Variants in SEMA6C observed in about 807,000 individuals in gnomAD.
SEMA6C encodes semaphorin-6C.
In SEMA6C, 37 loss-of-function variants were observed where a neutral mutation model predicts 72.9. The ratio of observed to expected loss-of-function variants is 0.51; its 90% confidence interval spans 0.39 to 0.67. The LOEUF (loss-of-function observed/expected upper bound fraction) is 0.67. SEMA6C is among the 30% of genes least tolerant of loss of function. The probability of loss-of-function intolerance (pLI) is 0.00; values close to 1 mark genes in which losing one functional copy is unlikely to be tolerated. For missense variants in SEMA6C, 1,189 were observed against 1,263.6 expected (o/e 0.94, Z 0.89); for synonymous variants, 578 against 554.1 (o/e 1.04, Z -0.61).
intron 2 of SEMA6C, among the ~76,000 whole-genome samples, chr1:151,143,908 G>C (rs1390875395): frequency 1.3e-5 from 2 of 152,040 alleles, no homozygotes; most frequent in African/African-American, 4.8e-5. Flanking sequence ...TAAGCTTCCA[G>C]GCCAAGCCCC....
chr1:151,133,816 G>C lies in SEMA6C; in HGVS notation c.1760-299C>G. The C allele has an allele frequency of 1.1e-6, 1 of 881,208 alleles. No individual in the cohort carries two copies. Among genetic ancestry groups the C allele is most frequent in the Non-Finnish European group, 1.7e-6 (1 of 576,984 alleles). 54.6% of individuals were successfully genotyped at this position (881,208 alleles called of 1,614,324 possible). A position where few individuals can be genotyped will look rare whatever the true frequency, so the allele number is the denominator to read the frequency against. ...AAAAACTGCTCGTGCAGGAGAACTCGGGGCTGGGATGCCCAATTCTGGGGA... is the reference window on the plus strand; with the variant it reads ...AAAAACTGCTCGTGCAGGAGAACTCCGGGCTGGGATGCCCAATTCTGGGGA... On this transcript the variant is annotated intron_variant, in intron 18 of 18. Transcript: ENST00000368914. The surrounding 1 kb of genome is among the most constrained non-coding windows in gnomAD (Gnocchi z 5.9).
intron 2 of SEMA6C, among the ~76,000 whole-genome samples, chr1:151,143,165 C>T (rs1176883095): frequency 6.6e-6 from 1 of 152,234 alleles, no homozygotes. Flanking sequence ...TAGGCGGGGG[C>T]AGCCGTGTGG....
chr1:151,138,174 C>T (rs1030600503), intron 8 of SEMA6C, 69 bp from the exon 9 acceptor site: 15 of 1,595,684 alleles, frequency 9.4e-6, no homozygotes, highest in South Asian at 8.0e-5. Flanking sequence ...TCTTGGGCCT[C>T]CTGCACCCCT....
chr1:151,134,631 C>A lies in SEMA6C; in HGVS notation c.1703G>T (p.Gly568Val), dbSNP rs898531187. ...CCTCTTCTGTTTACCTTGGCAGTCA[C>A]CATGCTCCATGGATTCCTGGTTCCC... ...QAGNQESMEH[G>V]DCQDGATGSQ... Residue 568 changes from glycine to valine, a missense_variant, in exon 17 of 19, where the codon GGT becomes GTT. Physicochemically the swap from Gly to Val is moderately radical, Grantham distance 109. This residue lies in a region of SEMA6C where 721 missense variants were observed against 686.2 expected (regional missense o/e 1.05). Transcript: ENST00000368914. The A allele has an allele frequency of 6.2e-7, 1 of 1,614,198 alleles. No individual in the cohort carries two copies. The highest frequency in any genetic ancestry group is 1.3e-5 in the African/African-American group (1 of 75,046).
In SEMA6C at chr1:151,133,764, C is replaced by G. The variant is rs1398799911; in HGVS notation, c.1760-247G>C. Among the ~76,000 whole-genome samples, 1 of 152,112 alleles carries G rather than the reference C, an allele frequency of 6.6e-6. No individual in the cohort carries two copies. The highest frequency in any genetic ancestry group is 2.4e-5 in the African/African-American group (1 of 41,422). On this transcript the variant is annotated intron_variant, in intron 18 of 18. Transcript: ENST00000368914. This position sits in a 1 kb window ranked among gnomAD's most constrained non-coding sequence, Gnocchi z 5.9. Reference sequence around the variant, plus strand: ...GGGATTCCCCATCCCACTTCTGGCCCCTGTAGCCATGCCAAGAGCAACTGC... The same window carrying G: ...GGGATTCCCCATCCCACTTCTGGCCGCTGTAGCCATGCCAAGAGCAACTGC...
In SEMA6C at chr1:151,138,301, T is replaced by G. The variant is rs1322103616; in HGVS notation, c.547+15A>C. On this transcript the variant is annotated intron_variant, in intron 8 of 18. Transcript: ENST00000368914. ...TCCAGCCACATGCTTTCTTCTCACA[T>G]GCCCAGTTGCACACCTGCAAAGATG... 6.2e-7 allele frequency: 1 copy of G among 1,612,982 alleles called. No individual in the cohort carries two copies. The highest frequency in any genetic ancestry group is 8.5e-7 in the Non-Finnish European group (1 of 1,179,408).
chr1:151,139,092 CAAA>C (rs887064091), intron 6 of SEMA6C, among the ~76,000 whole-genome samples: 2 of 53,096 alleles, frequency 3.8e-5, no homozygotes, highest in Non-Finnish European at 7.7e-5. Flanking sequence ...GACTCCGTCT[CAAA>C]AAAAAAAAAA....
Position 151,132,163 on chromosome 1 carries a change from G to A in SEMA6C, c.*321C>T, listed in dbSNP as rs1044662139. The A allele has an allele frequency of 2.1e-6, 3 of 1,399,358 alleles. No homozygotes were observed. The highest frequency in any genetic ancestry group is 1.4e-5 in the African/African-American group (1 of 69,748). The allele number at this position is 1,399,358 out of a possible 1,614,324, so 86.7% of individuals were successfully genotyped here. A position where few individuals can be genotyped will look rare whatever the true frequency, so the allele number is the denominator to read the frequency against. On this transcript the variant is annotated 3_prime_UTR_variant, in exon 19 of 19. Coordinates refer to ENST00000368914, the MANE Select transcript of SEMA6C (RefSeq NM_030913.6). ...GGACACAGCGCGCGCGGCCCGCCCG[G>A]GGCACAGTCTCTGGGGGAGCCCCGA...
chr1:151,136,392 T>G, intron 12 of SEMA6C, 56 bp downstream of exon 12: 1 of 1,592,286 alleles, frequency 6.3e-7, no homozygotes, highest in Non-Finnish European at 8.5e-7. Context: ...CAATCCCATC[T>G]TGGGGGCAGA....
chr1:151,136,052 T>A lies in SEMA6C; in HGVS notation c.1218A>T (p.Val406=), dbSNP rs924809308. 9 of 1,613,894 alleles carry A rather than the reference T, an allele frequency of 5.6e-6. No homozygotes were observed. In the African/African-American group the frequency reaches 9.4e-5, roughly 17 times the overall value. ...IKAHPLLDPA[V]PPVTHQPLLT... Reference sequence around the variant, plus strand: ...GTAGAGGCTGATGGGTGACAGGTGGTACAGCGGGGTCCAGCAGCGGGTGAG... The same window carrying A: ...GTAGAGGCTGATGGGTGACAGGTGGAACAGCGGGGTCCAGCAGCGGGTGAG... The change falls in exon 13 of 19, where the codon GTA becomes GTT. Residue 406 remains valine (V), a synonymous_variant. Coordinates refer to ENST00000368914, the MANE Select transcript of SEMA6C (RefSeq NM_030913.6).
chr1:151,137,922 G>C, intron 9 of SEMA6C, 64 bp downstream of exon 9: 2 of 1,592,618 alleles, frequency 1.3e-6, no homozygotes, highest in South Asian at 2.3e-5. Flanking sequence ...CCTGCTCCCC[G>C]CCACAGTCCT....
chr1:151,144,784 A>G (rs1365011704), intron 1 of SEMA6C, among the ~76,000 whole-genome samples: 1 of 152,236 alleles, frequency 6.6e-6, no homozygotes. Flanking sequence ...AAAGCGCCTT[A>G]GCTAGGGACA....
At chr1:151,142,700 G>T (rs1572045871) in intron 2 of SEMA6C, 25 bp from the exon 3 acceptor site, 7 of 1,273,528 alleles carry the variant, frequency 5.5e-6, no homozygotes, top group Non-Finnish European at 7.4e-6. Flanking sequence ...AGGGAAAAGT[G>T]GGGGAGGAGC....
rs1232136158 is a variant in SEMA6C at position 151,136,046 on chromosome 1, A to AGGT, written c.1221_1223dup (p.Pro408dup). ...GAGTGAGTAGAGGCTGATGGGTGAC[A>AGGT]GGTGGTACAGCGGGGTCCAGCAGCG... On this transcript the variant is annotated inframe_insertion, in exon 13 of 19. Coordinates refer to ENST00000368914, the MANE Select transcript of SEMA6C (RefSeq NM_030913.6). 2.5e-6 allele frequency: 4 copies of AGGT among 1,614,152 alleles called. No homozygotes were observed. The highest frequency in any genetic ancestry group is 8.5e-7 in the Non-Finnish European group (1 of 1,180,016).
chr1:151,132,580 C>T lies in SEMA6C; in HGVS notation c.2697G>A (p.Arg899=). The change falls in exon 19 of 19, where the codon AGG becomes AGA. Residue 899 remains arginine, a synonymous_variant. Transcript: ENST00000368914. ...PEGYRGRALK[R]VDVEKPQLSL... ...ACAACTGGGGCTTCTCGACGTCCAC[C>T]CTTTTCAGGGCGCGGCCCCGGTAGC... The T allele has an allele frequency of 6.4e-7, 1 of 1,551,632 alleles. No individual in the cohort carries two copies. The highest frequency in any genetic ancestry group is 1.4e-5 in the African/African-American group (1 of 73,246).
intron 2 of SEMA6C, among the ~76,000 whole-genome samples, chr1:151,143,946 C>T (rs188787508): frequency 4.6e-5 from 7 of 152,270 alleles, no homozygotes; most frequent in Admixed American, 3.9e-4. Context: ...ATTCTACTCT[C>T]CCAGCCAGGA....
chr1:151,132,573 C>T lies in SEMA6C; in HGVS notation c.2704G>A (p.Val902Ile), dbSNP rs1237178556. Residue 902 changes from valine to isoleucine, a missense_variant, in exon 19 of 19, where the codon GTC (valine) becomes ATC (isoleucine). This residue lies in a region of SEMA6C where 721 missense variants were observed against 686.2 expected (regional missense o/e 1.05). Coordinates refer to ENST00000368914, the MANE Select transcript of SEMA6C (RefSeq NM_030913.6). Reference protein sequence around the residue: ...YRGRALKRVDVEKPQLSLKPP... With the variant: ...YRGRALKRVDIEKPQLSLKPP... ...TTCAGGGACAACTGGGGCTTCTCGA[C>T]GTCCACCCTTTTCAGGGCGCGGCCC... 1.9e-6 allele frequency: 3 copies of T among 1,551,672 alleles called. No homozygotes were observed. The highest frequency in any genetic ancestry group is 2.6e-6 in the Non-Finnish European group (3 of 1,147,386).
At position 151,132,855 on chromosome 1, in the gene SEMA6C, T is replaced by TGGGGCC. The variant is rs1403910470; in HGVS notation, c.2416_2421dup (p.Gly806_Pro807dup). On this transcript the variant is annotated inframe_insertion, in exon 19 of 19. Transcript: ENST00000368914. ...GAGGCGCACTCGTGGGGCCTGGGGC[T>TGGGGCC]GGGGCCGCCCAAGAGGGCGGGGGCG... 17 of 1,275,774 alleles carry TGGGGCC rather than the reference T, an allele frequency of 1.3e-5. No homozygotes were observed. Among genetic ancestry groups the TGGGGCC allele is most frequent in the East Asian group, 3.7e-5 (1 of 27,116 alleles). 79.0% of individuals were successfully genotyped at this position (1,275,774 alleles called of 1,614,324 possible). A position where few individuals can be genotyped will look rare whatever the true frequency, so the allele number is the denominator to read the frequency against.
Position 151,134,394 on chromosome 1 carries a change from G to A in SEMA6C, c.1759+7C>T. The A allele has an allele frequency of 6.3e-7, 1 of 1,582,310 alleles. No homozygotes were observed. Among genetic ancestry groups the A allele is most frequent in the Non-Finnish European group, 8.6e-7 (1 of 1,163,784 alleles). On this transcript the variant is annotated splice_region_variant and intron_variant, in intron 18 of 18. Transcript: ENST00000368914. ...AGGGAAGGTGAGGTTGGGACAAGAG[G>A]ACTCACCATAAGCAGAATCCCCAGG...
Sources: allele counts gnomAD v4.1 joint callset (sites outside exome capture counted in the v4.1 genomes callset), GRCh38; gene constraint gnomAD v4.1.1; regional missense constraint gnomAD v4.1.1; non-coding constraint Gnocchi (gnomAD v3.1); transcripts MANE v1.5; gene names NCBI Gene and HGNC (gene_info 2026-07-23, HGNC 2026-07-21).